APBA2: variants seen among roughly 807,000 people sequenced by gnomAD.
The protein encoded by APBA2 is amyloid beta precursor protein binding family A member 2, also known as amyloid-beta A4 precursor protein-binding family A member 2.
Under a neutral mutation model 75.0 loss-of-function variants are expected in APBA2, and 30 were observed. The observed-to-expected ratio is 0.40, with a 90% CI of 0.30 to 0.54. The LOEUF is 0.54. Ranked by LOEUF, APBA2 falls within the 20% of genes least tolerant of loss-of-function variation. The probability of loss-of-function intolerance (pLI) is 0.49; values close to 1 mark genes in which losing one functional copy is unlikely to be tolerated. For synonymous variants in APBA2, 444 were observed against 409.6 expected (o/e 1.08, Z -1.01); for missense variants, 801 against 1,016.1 (o/e 0.79, Z 2.88).
intron 2 of APBA2, among the ~76,000 whole-genome samples, chr15:28,989,538 A>G (rs1480853144): frequency 1.3e-5 from 2 of 152,206 alleles, no homozygotes; most frequent in Non-Finnish European, 2.9e-5. Context: ...GAAGATTGGC[A>G]GATGCTGCTT....
At chr15:29,067,282 G>T (rs1319312163) in intron 4 of APBA2, among the ~76,000 whole-genome samples, 1 of 152,132 alleles carries the variant, frequency 6.6e-6, no homozygotes, top group African/African-American at 2.4e-5. Flanking sequence ...CCACAAAGAA[G>T]CAAAAACATT....
intron 4 of APBA2, among the ~76,000 whole-genome samples, chr15:29,056,576 T>G: frequency 1.7e-4 from 1 of 5,960 alleles, no homozygotes; most frequent in Non-Finnish European, 3.3e-4. Flanking sequence ...CTTCCTCCCT[T>G]CCTCCCTCCC....
intron 1 of APBA2, among the ~76,000 whole-genome samples, chr15:28,899,739 A>G (rs147221529): frequency 0.066 from 10,003 of 152,252 alleles, 998 homozygotes; most frequent in African/African-American, 0.21. Context: ...TTCACAGGGC[A>G]AAGGGTGTAG....
intron 3 of APBA2, among the ~76,000 whole-genome samples, chr15:29,035,615 A>G (rs1566930874): frequency 6.6e-6 from 1 of 152,144 alleles, no homozygotes; most frequent in Non-Finnish European, 1.5e-5. Context: ...TGGGATTTTT[A>G]TTATTGATTT....
intron 14 of APBA2, 128 bp from the exon 15 acceptor site, chr15:29,116,934 C>T: frequency 9.6e-7 from 1 of 1,044,346 alleles, no homozygotes; most frequent in Non-Finnish European, 1.5e-6. Flanking sequence ...GCTGGCCTTC[C>T]TCCTTCACTC....
At chr15:28,967,527 C>T (rs546457945) in intron 2 of APBA2, among the ~76,000 whole-genome samples, 60 of 152,236 alleles carry the variant, frequency 3.9e-4, no homozygotes, top group Non-Finnish European at 1.5e-5. Flanking sequence ...CAAGCTCCGC[C>T]TCCCGGGTTC....
Position 28,925,837 on chromosome 15 carries a change from C to A in APBA2, c.-95+4088C>A, listed in dbSNP as rs568240165. On this transcript the variant is annotated intron_variant, in intron 2 of 14. Coordinates refer to ENST00000683413, the MANE Select transcript of APBA2 (RefSeq NM_001353788.2). ...AATTAAAATTCTCTCAGATTTTGCC[C>A]CATATATTTCAATTATCTGTTGTTA... Among the ~76,000 whole-genome samples, 7 of 152,172 alleles carry A rather than the reference C, an allele frequency of 4.6e-5. No homozygotes were observed. In the South Asian group the frequency reaches 8.3e-4, roughly 18 times the overall value.
At chr15:29,074,095 A>G (rs1426157410) in intron 4 of APBA2, among the ~76,000 whole-genome samples, 3 of 152,156 alleles carry the variant, frequency 2.0e-5, no homozygotes, top group Non-Finnish European at 4.4e-5. Context: ...GGTCCTTAAA[A>G]ACTGAAAAAT....
At chr15:28,973,109 T>C (rs975999271) in intron 2 of APBA2, among the ~76,000 whole-genome samples, 4 of 152,240 alleles carry the variant, frequency 2.6e-5, no homozygotes, top group African/African-American at 9.6e-5. Flanking sequence ...TCCAGAATCA[T>C]GCAAACTCCA....
intron 6 of APBA2, among the ~76,000 whole-genome samples, chr15:29,084,392 C>A (rs1458338993): frequency 6.6e-6 from 1 of 152,140 alleles, no homozygotes; most frequent in East Asian, 1.9e-4. Flanking sequence ...ATAAAAACTT[C>A]AAGCATATGA....
chr15:29,075,686 A>T (rs1019313971), intron 5 of APBA2, among the ~76,000 whole-genome samples: 39 of 152,238 alleles, frequency 2.6e-4, no homozygotes, highest in African/African-American at 8.0e-4. Flanking sequence ...TTGATGAAAT[A>T]ACGATGGCCA....
intron 1 of APBA2, among the ~76,000 whole-genome samples, chr15:28,894,978 A>G (rs1383215842): frequency 2.0e-5 from 3 of 152,182 alleles, no homozygotes; most frequent in African/African-American, 4.8e-5. Context: ...CCCGCTCCCT[A>G]TGTTCTGTAG....
intron 4 of APBA2, chr15:29,071,076 T>C (rs1046375905): frequency 2.2e-6 from 1 of 456,720 alleles, no homozygotes; most frequent in Middle Eastern, 3.3e-4. Flanking sequence ...GCATCCTGAC[T>C]ATGTTGACGA....
rs369102438 is a variant in APBA2 at position 29,095,178 on chromosome 15, A to T, written c.1251+865A>T. On this transcript the variant is annotated intron_variant, in intron 8 of 14. Transcript: ENST00000683413. ...CGCCGTGGCTCACGCCTGTAATCCC[A>T]GCACTTTGGGAGGCCGAGGCGGGCG... Among the ~76,000 whole-genome samples, 677 of 152,362 alleles carry T rather than the reference A, an allele frequency of 4.4e-3. 4 individuals are homozygous for T. The highest frequency in any genetic ancestry group is 0.016 in the African/African-American group (648 of 41,592).
intron 2 of APBA2, among the ~76,000 whole-genome samples, chr15:28,949,600 A>G (rs1467676351): frequency 6.6e-6 from 1 of 151,990 alleles, no homozygotes; most frequent in Non-Finnish European, 1.5e-5. Flanking sequence ...TCCCAATTAG[A>G]TGGGACTTCA....
intron 1 of APBA2, among the ~76,000 whole-genome samples, chr15:28,909,240 T>C (rs1177241211): frequency 6.6e-6 from 1 of 152,108 alleles, no homozygotes; most frequent in African/African-American, 2.4e-5. Context: ...TCCGCCCGCC[T>C]CGGCCTCCCA....
At chr15:28,960,981 A>G (rs1282172967) in intron 2 of APBA2, among the ~76,000 whole-genome samples, 1 of 150,144 alleles carries the variant, frequency 6.7e-6, no homozygotes, top group Non-Finnish European at 1.5e-5. Context: ...CTGGTCTCGA[A>G]CTCCCGACCT....
chr15:29,060,046 T>C (rs1378121864), intron 4 of APBA2, among the ~76,000 whole-genome samples: 4 of 152,116 alleles, frequency 2.6e-5, no homozygotes, highest in Admixed American at 2.0e-4. Flanking sequence ...CCCGTACACA[T>C]GAACTCCCAA....
intron 3 of APBA2, among the ~76,000 whole-genome samples, chr15:29,014,834 G>A (rs1203019864): frequency 6.6e-6 from 1 of 151,836 alleles, no homozygotes; most frequent in Non-Finnish European, 1.5e-5. Context: ...TGTCTCCTGA[G>A]TAGCTGGGCC....
Sources: gnomAD v4.1 joint callset for allele counts (sites outside exome capture counted in the v4.1 genomes callset) on GRCh38, gnomAD v4.1.1 for gene constraint, MANE v1.5 for transcripts, NCBI Gene and HGNC (gene_info 2026-07-23, HGNC 2026-07-21) for gene names.